The following DOCK10 variants were observed in gnomAD, a reference collection of about 807,000 sequenced individuals.
DOCK10 encodes dedicator of cytokinesis protein 10.
In DOCK10, 145 loss-of-function variants were observed where a neutral mutation model predicts 280.1. The ratio of observed to expected loss-of-function variants is 0.52; its 90% confidence interval spans 0.45 to 0.59. The LOEUF (loss-of-function observed/expected upper bound fraction) is 0.59. DOCK10 is among the 20% of genes least tolerant of loss of function. The pLI, the probability that DOCK10 is intolerant of heterozygous loss-of-function variation, is 0.00. For missense variants in DOCK10, 2,368 were observed against 2,651.7 expected (o/e 0.89, Z 2.35); for synonymous variants, 915 against 942.2 (o/e 0.97, Z 0.53).
chr2:224,804,020 G>A, intron 39 of DOCK10, 92 bp downstream of exon 39: 2 of 657,310 alleles, frequency 3.0e-6, no homozygotes, highest in Non-Finnish European at 5.3e-6. Flanking sequence ...GTGTGTGTGT[G>A]TGTGTGTGTG....
intron 1 of DOCK10, among the ~76,000 whole-genome samples, chr2:225,001,462 G>A (rs1706428992): frequency 6.6e-6 from 1 of 151,776 alleles, no homozygotes; most frequent in African/African-American, 2.4e-5. Flanking sequence ...GCTAATTTTT[G>A]TGTATTTAGT....
chr2:224,819,612 A>G, intron 28 of DOCK10, 83 bp from the exon 29 acceptor site: 3 of 889,860 alleles, frequency 3.4e-6, no homozygotes, highest in Non-Finnish European at 5.1e-6. Context: ...AAATATATTG[A>G]AGTAAAATAA....
chr2:224,781,062 A>G (rs1691299376), intron 50 of DOCK10, among the ~76,000 whole-genome samples: 1 of 152,082 alleles, frequency 6.6e-6, no homozygotes, highest in African/African-American at 2.4e-5. Flanking sequence ...AGTGCTAGCT[A>G]TGTTGAGGAT....
rs565061495 is a variant in DOCK10, at chr2:224,977,575, T to TA, written c.124-45908dup. Among the ~76,000 whole-genome samples, 310 of 151,730 alleles carry TA rather than the reference T, an allele frequency of 2.0e-3. 1 individual carries two copies. The highest frequency in any genetic ancestry group is 7.0e-3 in the African/African-American group (291 of 41,400). The stretch of plus-strand genomic sequence containing the variant: ...TTAAGAAAATATGCTATAAAGGAAG[T>TA]AAAAAAAAATTATGAAAGTTTCTGT... On this transcript the variant is annotated intron_variant, in intron 1 of 55. Transcript: ENST00000258390.
intron 41 of DOCK10, among the ~76,000 whole-genome samples, chr2:224,799,049 G>A (rs753213948): frequency 6.6e-6 from 1 of 152,172 alleles, no homozygotes; most frequent in African/African-American, 2.4e-5. Flanking sequence ...ACTGTGATAT[G>A]TATAATTTAA....
At chr2:224,994,490 A>T (rs538104416) in intron 1 of DOCK10, among the ~76,000 whole-genome samples, 1 of 152,348 alleles carries the variant, frequency 6.6e-6, no homozygotes, top group South Asian at 2.1e-4. Context: ...GAAAGTCTCT[A>T]CTTCTGCTTT....
chr2:225,030,887 C>T (rs890424168), intron 1 of DOCK10, among the ~76,000 whole-genome samples: 2 of 152,058 alleles, frequency 1.3e-5, no homozygotes, highest in African/African-American at 2.4e-5. Context: ...GGTGCTTTGT[C>T]GCCAACATCT....
intron 1 of DOCK10, among the ~76,000 whole-genome samples, chr2:225,041,880 C>T (rs898503742): frequency 6.6e-6 from 1 of 152,074 alleles, no homozygotes; most frequent in Admixed American, 6.5e-5. Flanking sequence ...TTCTGTAGAT[C>T]CCCCCACCCC....
intron 1 of DOCK10, among the ~76,000 whole-genome samples, chr2:224,973,371 C>T (rs747242023): frequency 5.9e-5 from 9 of 152,014 alleles, no homozygotes; most frequent in African/African-American, 1.9e-4. Flanking sequence ...CGTGGATCAG[C>T]CAGGTGGGGC....
chr2:224,982,132 C>T lies in DOCK10; in HGVS notation c.124-50464G>A, dbSNP rs1705780681. 5 of 1,158,442 alleles carry T rather than the reference C, an allele frequency of 4.3e-6. No homozygotes were observed. The East Asian group carries it at 1.6e-4, about 37-fold the overall frequency. The allele number at this position is 1,158,442 out of a possible 1,614,324, so 71.8% of individuals were successfully genotyped here. ...ACATGCCTTTATCTAACGCTAAACA[C>T]CAAAACCCCTAAATTGTAACCTCTC... is the stretch of plus-strand genomic sequence containing the variant. On this transcript the variant is annotated intron_variant, in intron 1 of 55. Transcript: ENST00000258390.
intron 47 of DOCK10, 98 bp downstream of exon 47, chr2:224,792,876 C>CCG: frequency 2.2e-6 from 2 of 913,106 alleles, no homozygotes; most frequent in Non-Finnish European, 3.3e-6. Context: ...ACAGTTTTTG[C>CCG]TTCTAAGAAT....
chr2:224,795,419 A>G (rs1361214980), intron 44 of DOCK10, among the ~76,000 whole-genome samples: 2 of 152,352 alleles, frequency 1.3e-5, no homozygotes, highest in South Asian at 4.1e-4. Flanking sequence ...CCTAGAGACC[A>G]TGGATGGCAT....
intron 4 of DOCK10, chr2:224,893,789 T>G (rs1278950018): frequency 9.3e-6 from 3 of 323,446 alleles, no homozygotes; most frequent in Non-Finnish European, 1.8e-5. Context: ...TAAAAAGAAA[T>G]AAGCAATTTA....
intron 55 of DOCK10, chr2:224,769,035 C>A (rs976918793): frequency 1.1e-4 from 44 of 413,910 alleles, no homozygotes; most frequent in African/African-American, 8.1e-4. Context: ...CCTTCACCAC[C>A]TTCCCGAACT....
At chr2:224,830,364 T>C (rs1372212014) in intron 27 of DOCK10, among the ~76,000 whole-genome samples, 177 bp downstream of exon 27, 3 of 152,238 alleles carry the variant, frequency 2.0e-5, no homozygotes, top group Admixed American at 6.5e-5. Context: ...CATCTGCTTC[T>C]GAAGGGCCTG....
Position 225,042,251 on chromosome 2 carries a change from C to A in DOCK10, c.123+1G>T. 1 of 1,296,306 alleles carries A rather than the reference C, an allele frequency of 7.7e-7. No individual in the cohort carries two copies. Among genetic ancestry groups the A allele is most frequent in the Non-Finnish European group, 9.8e-7 (1 of 1,024,834 alleles). 80.3% of individuals were successfully genotyped at this position (1,296,306 alleles called of 1,614,324 possible). ...AGGCGCGGAGGACGCGCCGCACTCA[C>A]CCGCTGCTGCTGCCGGCTGCTGACT... is the stretch of plus-strand genomic sequence containing the variant. On this transcript the variant is annotated splice_donor_variant, in intron 1 of 55. Transcript: ENST00000258390. LOFTEE classifies it high-confidence loss of function. This position sits in a 1 kb window ranked among gnomAD's most constrained non-coding sequence, Gnocchi z 5.1.
chr2:224,793,386 T>C lies in DOCK10; in HGVS notation c.5212+14A>G, dbSNP rs753567547. ...ATATCTAGGCTTTTTGCCTCCCTCA[T>C]GTGGTCATCTTACCCTTTCTTTTCA... is the stretch of plus-strand genomic sequence containing the variant. On this transcript the variant is annotated intron_variant, in intron 46 of 55. Coordinates refer to ENST00000258390, the MANE Select transcript of DOCK10 (RefSeq NM_014689.3). The C allele has an allele frequency of 8.7e-6, 14 of 1,609,860 alleles. No individual in the cohort carries two copies. The highest frequency in any genetic ancestry group is 1.0e-5 in the Non-Finnish European group (12 of 1,177,326).
chr2:224,935,292 G>A (rs1702621920), intron 1 of DOCK10, among the ~76,000 whole-genome samples: 1 of 152,176 alleles, frequency 6.6e-6, no homozygotes, highest in African/African-American at 2.4e-5. Flanking sequence ...AATGGATGAA[G>A]AAATGACATT....
chr2:224,871,126 C>T (rs770612525), intron 11 of DOCK10, among the ~76,000 whole-genome samples: 10 of 152,012 alleles, frequency 6.6e-5, no homozygotes, highest in East Asian at 1.9e-4. Flanking sequence ...CGTGCCTGGC[C>T]GCCAAACTTG....
Sources: gnomAD v4.1 joint callset for allele counts (sites outside exome capture counted in the v4.1 genomes callset) on GRCh38, gnomAD v4.1.1 for gene constraint, Gnocchi (gnomAD v3.1) non-coding constraint, MANE v1.5 for transcripts, NCBI Gene and HGNC (gene_info 2026-07-23, HGNC 2026-07-21) for gene names.